The following TAB2 variants were observed in gnomAD, a reference collection of about 807,000 sequenced individuals.
The protein encoded by TAB2 is TGF-beta activated kinase 1 (MAP3K7) binding protein 2, also known as TGF-beta-activated kinase 1 and MAP3K7-binding protein 2.
Under a neutral mutation model 65.0 loss-of-function variants are expected in TAB2, and 3 were observed. The observed-to-expected ratio is 0.05, with a 90% confidence interval of 0.02 to 0.12. TAB2 has a LOEUF of 0.12. Among genes scored for constraint, TAB2 ranks in the 10% least tolerant of loss-of-function variants. The probability of loss-of-function intolerance (pLI) is 1.00; values close to 1 mark genes in which losing one functional copy is unlikely to be tolerated. For synonymous variants in TAB2, 298 were observed against 285.1 expected (o/e 1.05, Z -0.46); for missense variants, 623 against 840.3 (o/e 0.74, Z 3.20).
intron 1 of TAB2, among the ~76,000 whole-genome samples, chr6:149,329,006 TAC>T (rs1779702390): frequency 6.6e-6 from 1 of 152,164 alleles, no homozygotes; most frequent in Non-Finnish European, 1.5e-5. Context: ...AGTCCACATG[TAC>T]ACAGTAACTG....
intron 1 of TAB2, among the ~76,000 whole-genome samples, chr6:149,320,730 C>T (rs1056209089): frequency 6.6e-6 from 1 of 151,956 alleles, no homozygotes; most frequent in African/African-American, 2.4e-5. Flanking sequence ...TATCATACTT[C>T]AGAATTTTTG....
At chr6:149,237,478 AC>A (rs1364080150) in intron 1 of TAB2, among the ~76,000 whole-genome samples, 9 of 152,022 alleles carry the variant, frequency 5.9e-5, no homozygotes, top group Non-Finnish European at 7.4e-5. Flanking sequence ...TCTACTATGC[AC>A]CCCCATGATG....
chr6:149,383,406 A>C (rs1001799563), intron 3 of TAB2, among the ~76,000 whole-genome samples: 13 of 152,196 alleles, frequency 8.5e-5, no homozygotes, highest in African/African-American at 2.9e-4. Context: ...TAAAGCTCTA[A>C]CAACCTTTAA....
intron 6 of TAB2, chr6:149,400,894 A>C (rs1409861293): frequency 3.5e-6 from 2 of 567,920 alleles, no homozygotes; most frequent in African/African-American, 1.9e-5. Context: ...CAAACCAAAC[A>C]GCCAATGGTA....
intron 1 of TAB2, among the ~76,000 whole-genome samples, chr6:149,229,615 G>A (rs932758064): frequency 1.3e-5 from 2 of 152,198 alleles, no homozygotes; most frequent in Middle Eastern, 3.4e-3. Context: ...GAGTCAGCAG[G>A]GCACGTAAAG....
At chr6:149,399,794 CG>C (rs1440971193) in intron 6 of TAB2, among the ~76,000 whole-genome samples, 1 of 151,930 alleles carries the variant, frequency 6.6e-6, no homozygotes, top group Non-Finnish European at 1.5e-5. Flanking sequence ...AACACTTAAC[CG>C]TGGTATATAA....
upstream of TAB2, among the ~76,000 whole-genome samples, chr6:149,316,056 ATTAT>A (rs1403990790): frequency 7.9e-5 from 12 of 152,340 alleles, no homozygotes; most frequent in African/African-American, 2.4e-4. Context: ...TTTATCTAAA[ATTAT>A]TTAATCAATT....
At chr6:149,360,432 A>G (rs139149412) in intron 1 of TAB2, among the ~76,000 whole-genome samples, 1 of 152,290 alleles carries the variant, frequency 6.6e-6, no homozygotes, top group East Asian at 1.9e-4. Flanking sequence ...GAAGCAAGGG[A>G]GGAGGAAGTT....
chr6:149,398,231 G>A (rs1782241589), intron 5 of TAB2, among the ~76,000 whole-genome samples, 169 bp downstream of exon 5: 1 of 152,028 alleles, frequency 6.6e-6, no homozygotes, highest in Non-Finnish European at 1.5e-5. Flanking sequence ...CCATCTCAAT[G>A]GCACTATCTT....
At position 149,371,065 on chromosome 6, in the gene TAB2, C is replaced by CAAAAAAA. The variant is rs33926884; in HGVS notation, c.102+985_102+991dup. ...TGGGAAACAGAGAGAGACCCTATCT[C>CAAAAAAA]AAAAAAAAAAAAAAAAAAAAAAAAA... On this transcript the variant is annotated intron_variant, in intron 2 of 6. Coordinates refer to ENST00000637181, the MANE Select transcript of TAB2 (RefSeq NM_001292034.3). Among the ~76,000 whole-genome samples the CAAAAAAA allele has an allele frequency of 1.1e-4, 8 of 71,974 alleles. 1 individual carries two copies. Among genetic ancestry groups the CAAAAAAA allele is most frequent in the South Asian group, 5.9e-4 (1 of 1,682 alleles). 47.2% of individuals were successfully genotyped at this position (71,974 alleles called of 152,430 possible).
chr6:149,339,613 T>TA (rs1562422812), intron 1 of TAB2, among the ~76,000 whole-genome samples: 16 of 140,988 alleles, frequency 1.1e-4, no homozygotes, highest in South Asian at 2.2e-4. Flanking sequence ...TTATTTTTTT[T>TA]TTTTTTTGAG....
chr6:149,314,657 T>C (rs1779219684), upstream of TAB2, among the ~76,000 whole-genome samples: 1 of 152,216 alleles, frequency 6.6e-6, no homozygotes, highest in Non-Finnish European at 1.5e-5. Flanking sequence ...ATTTATATAG[T>C]GCAGTCTGTT....
intron 1 of TAB2, among the ~76,000 whole-genome samples, chr6:149,287,871 A>C (rs1778706204): frequency 6.6e-6 from 1 of 152,216 alleles, no homozygotes; most frequent in Non-Finnish European, 1.5e-5. Flanking sequence ...AGGAGGTCTT[A>C]AGCATTAATC....
chr6:149,407,040 G>C (rs1341918384), intron 6 of TAB2, among the ~76,000 whole-genome samples: 1 of 152,074 alleles, frequency 6.6e-6, no homozygotes, highest in Non-Finnish European at 1.5e-5. Context: ...TGTATAATTA[G>C]GTGTAGCTCT....
chr6:149,228,622 A>G (rs1433466230), intron 1 of TAB2, among the ~76,000 whole-genome samples: 1 of 152,206 alleles, frequency 6.6e-6, no homozygotes, highest in African/African-American at 2.4e-5. Context: ...AGGAACACCT[A>G]ATGGCTTAGC....
intron 1 of TAB2, among the ~76,000 whole-genome samples, chr6:149,347,898 CTTATT>C (rs1381763505): frequency 2.0e-5 from 3 of 151,998 alleles, no homozygotes; most frequent in African/African-American, 4.8e-5. Flanking sequence ...TAATATGATT[CTTATT>C]TTATGTTTAA....
intron 1 of TAB2, among the ~76,000 whole-genome samples, chr6:149,240,886 A>G (rs529828147): frequency 1.3e-5 from 2 of 152,276 alleles, no homozygotes; most frequent in Admixed American, 1.3e-4. Context: ...CTAAATGCAT[A>G]TGTTGAAGCC....
At chr6:149,268,158 C>T (rs1029656404) in intron 1 of TAB2, among the ~76,000 whole-genome samples, 2 of 152,166 alleles carry the variant, frequency 1.3e-5, no homozygotes, top group East Asian at 1.9e-4. Context: ...GAAACCCAGA[C>T]GTCATCAGTT....
At chr6:149,250,934 C>T (rs1441888727) in intron 1 of TAB2, among the ~76,000 whole-genome samples, 1 of 152,220 alleles carries the variant, frequency 6.6e-6, no homozygotes, top group African/African-American at 2.4e-5. Flanking sequence ...TGCCTCTCTT[C>T]ATTGTTTTCT....
Sources: allele counts gnomAD v4.1 joint callset (sites outside exome capture counted in the v4.1 genomes callset), GRCh38; gene constraint gnomAD v4.1.1; transcripts MANE v1.5; gene names NCBI Gene and HGNC (gene_info 2026-07-23, HGNC 2026-07-21).